Variants in GLIS3 observed in about 807,000 individuals in gnomAD.
GLIS3 encodes GLIS family zinc finger 3, also known as zinc finger protein GLIS3.
Under a neutral mutation model 78.6 loss-of-function variants are expected in GLIS3, and 53 were observed. The ratio of observed to expected loss-of-function variants is 0.67; its 90% CI spans 0.54 to 0.85. The LOEUF (loss-of-function observed/expected upper bound fraction) is 0.85. GLIS3 is among the 40% of genes least tolerant of loss of function. The probability of loss-of-function intolerance (pLI) is 0.00; values close to 1 mark genes in which losing one functional copy is unlikely to be tolerated. For synonymous variants in GLIS3, 684 were observed against 509.9 expected (o/e 1.34, Z -4.60); for missense variants, 1,703 against 1,231.1 (o/e 1.38, Z -5.74).
chr9:4,352,702 A>T (rs1396738995), upstream of GLIS3, among the ~76,000 whole-genome samples: 1 of 152,270 alleles, frequency 6.6e-6, no homozygotes, highest in South Asian at 2.1e-4. Context: ...ATGTGTGGCC[A>T]TGGGCAGTTC....
chr9:4,024,824 A>C (rs1428068561), intron 4 of GLIS3, among the ~76,000 whole-genome samples: 1 of 152,158 alleles, frequency 6.6e-6, no homozygotes, highest in Non-Finnish European at 1.5e-5. Flanking sequence ...CACAGATATG[A>C]CCAATTTAGA....
chr9:4,020,810 T>C (rs968096747), intron 4 of GLIS3, among the ~76,000 whole-genome samples: 7 of 152,232 alleles, frequency 4.6e-5, no homozygotes, highest in African/African-American at 1.7e-4. Flanking sequence ...CATGGAGGAC[T>C]GTGTTTCAAA....
chr9:3,927,001 T>C (rs1441852892), intron 6 of GLIS3, among the ~76,000 whole-genome samples: 1 of 152,248 alleles, frequency 6.6e-6, no homozygotes, highest in Admixed American at 6.5e-5. Flanking sequence ...TTCCTGCCCA[T>C]CTCACTTCAA....
chr9:3,835,478 C>T (rs1818293805), intron 9 of GLIS3, among the ~76,000 whole-genome samples: 1 of 152,206 alleles, frequency 6.6e-6, no homozygotes, highest in South Asian at 2.1e-4. Context: ...CCCTTTAACT[C>T]CATGTGATGC....
At chr9:4,196,207 C>A (rs1337393468) in intron 2 of GLIS3, among the ~76,000 whole-genome samples, 2 of 152,126 alleles carry the variant, frequency 1.3e-5, no homozygotes, top group Middle Eastern at 3.2e-3. Context: ...GTATATGCAC[C>A]AATCAGCACT....
At chr9:4,147,033 G>C (rs1834274681) in intron 2 of GLIS3, among the ~76,000 whole-genome samples, 1 of 151,936 alleles carries the variant, frequency 6.6e-6, no homozygotes. Context: ...TAATTTTCTA[G>C]CCACCCTGAC....
chr9:4,188,762 A>C (rs1818041866), intron 2 of GLIS3, among the ~76,000 whole-genome samples: 2 of 152,178 alleles, frequency 1.3e-5, no homozygotes. Context: ...CATTTCTTCT[A>C]GATTTTCTAG....
chr9:4,408,619 C>G, the GLIS3 span, among the ~76,000 whole-genome samples: 4 of 141,360 alleles, frequency 2.8e-5, no homozygotes, highest in East Asian at 4.2e-4. Flanking sequence ...CCCAGGTACT[C>G]GGGAGGCTGA....
intron 4 of GLIS3, among the ~76,000 whole-genome samples, chr9:4,032,473 A>T (rs1416563698): frequency 1.3e-5 from 2 of 152,022 alleles, no homozygotes; most frequent in Non-Finnish European, 2.9e-5. Context: ...ATATATTTTT[A>T]AAAATCTTAT....
the GLIS3 span, among the ~76,000 whole-genome samples, chr9:4,477,011 T>C: frequency 6.6e-6 from 1 of 152,132 alleles, no homozygotes; most frequent in Non-Finnish European, 1.5e-5. Flanking sequence ...CGGCAGTTCC[T>C]CAAAAAATTA....
chr9:4,314,859 A>G (rs1276317919), intron 2 of GLIS3, among the ~76,000 whole-genome samples: 5 of 152,226 alleles, frequency 3.3e-5, no homozygotes, highest in Non-Finnish European at 5.9e-5. Context: ...CATTAAGCTC[A>G]GGGCCGGGCA....
Position 4,125,880 on chromosome 9 carries a change from C to T in GLIS3, c.450G>A (p.Val150=). ...GAACCATCATGGGACTGCTGGTGAC[C>T]ACTAGATTGTTGCAGCTGCCTTTTC... ...SIGKGSCNNL[V]VTSSPMMVQR... Residue 150 remains valine, a synonymous_variant, in exon 3 of 11, where the codon GTG becomes GTA. Transcript: ENST00000381971. 6.2e-7 allele frequency: 1 copy of T among 1,613,954 alleles called. No homozygotes were observed. Among genetic ancestry groups the T allele is most frequent in the Non-Finnish European group, 8.5e-7 (1 of 1,179,964 alleles).
chr9:4,018,146 G>A (rs116586187), intron 4 of GLIS3, among the ~76,000 whole-genome samples: 143 of 152,344 alleles, frequency 9.4e-4, no homozygotes, highest in African/African-American at 3.3e-3. Flanking sequence ...ATCTGAAAAG[G>A]AAGGCAGGAA....
intron 4 of GLIS3, among the ~76,000 whole-genome samples, chr9:4,020,485 T>C (rs922950588): frequency 6.6e-6 from 1 of 152,124 alleles, no homozygotes; most frequent in South Asian, 2.1e-4. Flanking sequence ...TTTGAAAAAA[T>C]TTCACCAACC....
intron 2 of GLIS3, among the ~76,000 whole-genome samples, chr9:4,229,639 A>T (rs915985409): frequency 1.3e-5 from 2 of 152,232 alleles, no homozygotes; most frequent in African/African-American, 4.8e-5. Flanking sequence ...CAGTTTTATT[A>T]ACATTTGCTT....
At chr9:3,957,549 C>T (rs1215553759) in intron 4 of GLIS3, among the ~76,000 whole-genome samples, 1 of 152,134 alleles carries the variant, frequency 6.6e-6, no homozygotes, top group African/African-American at 2.4e-5. Flanking sequence ...ACCACCAGGG[C>T]AGTACTGACA....
intron 9 of GLIS3, among the ~76,000 whole-genome samples, chr9:3,830,392 C>G (rs531265319): frequency 6.6e-6 from 1 of 152,172 alleles, no homozygotes; most frequent in East Asian, 1.9e-4. Flanking sequence ...AATCTTAGTT[C>G]CGTACATTAT....
the GLIS3 span, among the ~76,000 whole-genome samples, chr9:4,379,095 G>T: frequency 6.6e-6 from 1 of 152,298 alleles, no homozygotes; most frequent in Admixed American, 6.5e-5. Flanking sequence ...GTGTCGTTAT[G>T]TTATCCATCC....
intron 2 of GLIS3, among the ~76,000 whole-genome samples, chr9:4,157,061 A>G (rs1279200647): frequency 6.6e-6 from 1 of 152,160 alleles, no homozygotes; most frequent in Non-Finnish European, 1.5e-5. Context: ...CCATTAACAT[A>G]TATGATTACT....
Sources: allele counts gnomAD v4.1 joint callset (sites outside exome capture counted in the v4.1 genomes callset), GRCh38; gene constraint gnomAD v4.1.1; transcripts MANE v1.5; gene names NCBI Gene and HGNC (gene_info 2026-07-23, HGNC 2026-07-21).